The following OPCML variants were observed in gnomAD, a reference collection of about 807,000 sequenced individuals.
OPCML encodes opioid binding protein/cell adhesion molecule like, also known as opioid-binding protein/cell adhesion molecule.
Under a neutral mutation model 37.8 loss-of-function variants are expected in OPCML, and 13 were observed. That is an observed-to-expected ratio of 0.34 (90% CI 0.22 to 0.55). OPCML has a LOEUF of 0.55. OPCML is among the 20% of genes least tolerant of loss of function. OPCML has a pLI of 0.91. For synonymous variants in OPCML, 176 were observed against 168.8 expected (o/e 1.04, Z -0.33); for missense variants, 341 against 435.6 (o/e 0.78, Z 1.93).
At position 133,289,163 on chromosome 11, in the gene OPCML, G is replaced by T. The variant is rs75305860; in HGVS notation, c.61+243101C>A. 4.2e-3 allele frequency among the ~76,000 whole-genome samples: 636 copies of T among 152,246 alleles called. 16 individuals carry two copies. The East Asian group carries it at 0.065, about 16-fold the overall frequency. The stretch of plus-strand genomic sequence containing the variant: ...GAGAGTATTGCAAATAATGGATTAG[G>T]TTGATACCATTTGTTTGTTAATTTG... On this transcript the variant is annotated intron_variant, in intron 1 of 7. Transcript: ENST00000524381.
At chr11:133,365,186 C>T (rs1944512554) in intron 1 of OPCML, 1 of 152,186 alleles carries the variant, frequency 6.6e-6, no homozygotes, top group Admixed American at 6.5e-5. Context: ...CTCTTGGAGA[C>T]CACACTGAGT....
intron 3 of OPCML, among the ~76,000 whole-genome samples, chr11:132,610,790 A>G (rs1164396558): frequency 6.6e-6 from 1 of 152,258 alleles, no homozygotes; most frequent in Non-Finnish European, 1.5e-5. Flanking sequence ...GTAAGAAGCT[A>G]TCAACCTCAA....
chr11:132,899,414 T>A (rs567613971), intron 2 of OPCML, among the ~76,000 whole-genome samples: 3 of 152,256 alleles, frequency 2.0e-5, no homozygotes, highest in South Asian at 4.1e-4. Context: ...GTGTTGTTAA[T>A]TTTACATCAT....
At chr11:133,349,092 C>A (rs1003158761) in intron 1 of OPCML, among the ~76,000 whole-genome samples, 2 of 152,146 alleles carry the variant, frequency 1.3e-5, no homozygotes, top group Non-Finnish European at 1.5e-5. Flanking sequence ...GTATGTGGAG[C>A]CTTTAAGCAG....
At chr11:133,181,702 C>T (rs1937840905) in intron 1 of OPCML, among the ~76,000 whole-genome samples, 1 of 152,166 alleles carries the variant, frequency 6.6e-6, no homozygotes. Flanking sequence ...TTGGCAAATG[C>T]TGCCATCAGA....
intron 3 of OPCML, among the ~76,000 whole-genome samples, chr11:132,582,185 G>A (rs1307764481): frequency 2.0e-5 from 3 of 149,802 alleles, no homozygotes; most frequent in African/African-American, 7.4e-5. Context: ...AAAGACAAAG[G>A]ATCCCATGTA....
chr11:133,089,804 T>C (rs1275214734), intron 1 of OPCML, among the ~76,000 whole-genome samples: 3 of 151,416 alleles, frequency 2.0e-5, no homozygotes, highest in African/African-American at 7.3e-5. Context: ...GATAGAGACA[T>C]TGGGGAAGGA....
chr11:132,654,587 GCTC>G (rs1208548836), intron 3 of OPCML, among the ~76,000 whole-genome samples: 3 of 147,414 alleles, frequency 2.0e-5, no homozygotes, highest in East Asian at 2.0e-4. Flanking sequence ...CCCAAGAGAA[GCTC>G]CTCCTCAAGA....
chr11:132,609,235 C>A (rs143365876), intron 3 of OPCML, among the ~76,000 whole-genome samples: 1 of 152,190 alleles, frequency 6.6e-6, no homozygotes, highest in Admixed American at 6.5e-5. Flanking sequence ...CAGGAATTCA[C>A]CCCAATGACA....
At chr11:132,727,206 G>A (rs545064595) in intron 2 of OPCML, among the ~76,000 whole-genome samples, 83 of 152,252 alleles carry the variant, frequency 5.5e-4, no homozygotes, top group African/African-American at 1.9e-3. Context: ...AGCATAGAGA[G>A]GTAGGGTCGC....
intron 1 of OPCML, among the ~76,000 whole-genome samples, chr11:133,204,376 GAGA>G (rs779725667): frequency 3.9e-4 from 59 of 152,266 alleles, no homozygotes; most frequent in African/African-American, 9.1e-4. Context: ...TTCTCTGATA[GAGA>G]AGAAGAAGTT....
intron 1 of OPCML, among the ~76,000 whole-genome samples, chr11:133,368,119 A>G (rs550085035): frequency 3.5e-4 from 53 of 152,168 alleles, no homozygotes; most frequent in Middle Eastern, 6.8e-3. Flanking sequence ...TAGGGAAGCA[A>G]TGTGAAAAAT....
intron 1 of OPCML, among the ~76,000 whole-genome samples, chr11:133,231,020 A>G (rs1444723277): frequency 6.6e-6 from 1 of 152,172 alleles, no homozygotes; most frequent in African/African-American, 2.4e-5. Flanking sequence ...TTTAATAATA[A>G]GGGGCTGTCT....
intron 4 of OPCML, among the ~76,000 whole-genome samples, chr11:132,497,530 T>C (rs1239899084): frequency 6.6e-6 from 1 of 152,032 alleles, no homozygotes; most frequent in Non-Finnish European, 1.5e-5. Flanking sequence ...AGAAAATGTC[T>C]CAGTGATTCG....
At chr11:132,885,364 A>G (rs1943370410) in intron 2 of OPCML, among the ~76,000 whole-genome samples, 1 of 152,186 alleles carries the variant, frequency 6.6e-6, no homozygotes, top group African/African-American at 2.4e-5. Flanking sequence ...TCTTTGGGTG[A>G]CTGAGTTAAT....
intron 1 of OPCML, among the ~76,000 whole-genome samples, chr11:133,165,323 G>A (rs1231141140): frequency 6.6e-6 from 1 of 152,118 alleles, no homozygotes; most frequent in Non-Finnish European, 1.5e-5. Context: ...CTCAGACCCA[G>A]GGACTCAGGT....
chr11:132,479,062 C>T (rs536462300), intron 4 of OPCML, among the ~76,000 whole-genome samples: 1 of 152,086 alleles, frequency 6.6e-6, no homozygotes, highest in East Asian at 1.9e-4. Flanking sequence ...CAGCCCTGGT[C>T]TACAGCTCCC....
At chr11:132,688,619 AT>A (rs1158194680) in intron 2 of OPCML, among the ~76,000 whole-genome samples, 2 of 152,208 alleles carry the variant, frequency 1.3e-5, no homozygotes, top group East Asian at 3.9e-4. Flanking sequence ...TTGGTACTGG[AT>A]AACCTTACAT....
chr11:133,035,896 G>T (rs560404380), intron 1 of OPCML, among the ~76,000 whole-genome samples: 1 of 141,854 alleles, frequency 7.0e-6, no homozygotes, highest in East Asian at 2.2e-4. Context: ...ACCGCAAGAA[G>T]CCATCTGCAA....
Sources: allele counts gnomAD v4.1 joint callset (sites outside exome capture counted in the v4.1 genomes callset), GRCh38; gene constraint gnomAD v4.1.1; transcripts MANE v1.5; gene names NCBI Gene and HGNC (gene_info 2026-07-23, HGNC 2026-07-21).